WIPI2: variants seen among roughly 807,000 people sequenced by gnomAD.
WIPI2 encodes the protein WD repeat domain, phosphoinositide interacting 2, also known as WD repeat domain phosphoinositide-interacting protein 2.
Under a neutral mutation model 52.3 loss-of-function variants are expected in WIPI2, and 28 were observed. The ratio of observed to expected loss-of-function variants is 0.54; its 90% CI spans 0.40 to 0.73. WIPI2 has a LOEUF of 0.73. WIPI2 is among the 30% of genes least tolerant of loss of function. The pLI is 0.00. For synonymous variants in WIPI2, 268 were observed against 245.0 expected, an observed-to-expected ratio of 1.09 and a Z score of -0.88; for missense variants, 506 against 602.9, an observed-to-expected ratio of 0.84 and a Z score of 1.68.
At chr7:5,206,680 C>T (rs1313414179) in intron 3 of WIPI2, among the ~76,000 whole-genome samples, 2 of 152,178 alleles carry the variant, frequency 1.3e-5, no homozygotes, top group African/African-American at 2.4e-5. Context: ...ACAGCTAACA[C>T]CTGTGTATCC....
Position 5,232,406 on chromosome 7 carries a change from A to G in WIPI2, c.*1459A>G, listed in dbSNP as rs1181242089. On this transcript the variant is annotated 3_prime_UTR_variant, in exon 13 of 13. Coordinates refer to ENST00000288828, the MANE Select transcript of WIPI2 (RefSeq NM_015610.4). ...TAAATGCAGGGGACGCTGGAGTCCG[A>G]CTCACCTACACCGGCTTCCTCCCAG... 5.0e-6 allele frequency: 2 copies of G among 397,988 alleles called. No homozygotes were observed. The highest frequency in any genetic ancestry group is 8.8e-6 in the Non-Finnish European group (2 of 226,052). 24.7% of individuals were successfully genotyped at this position (397,988 alleles called of 1,614,324 possible).
intron 3 of WIPI2, among the ~76,000 whole-genome samples, chr7:5,209,341 T>C (rs373370005): frequency 6.6e-6 from 1 of 152,052 alleles, no homozygotes; most frequent in Non-Finnish European, 1.5e-5. Context: ...GTAAGGAGAG[T>C]GGGTATCCTT....
intron 8 of WIPI2, chr7:5,222,943 C>T (rs41280684): frequency 0.052 from 21,046 of 402,430 alleles, 628 homozygotes; most frequent in Middle Eastern, 0.067. Flanking sequence ...CTCCAGTGCC[C>T]GGCAGCTCCC....
intron 6 of WIPI2, 119 bp downstream of exon 6, chr7:5,217,306 TTTG>T (rs1377586826): frequency 1.9e-6 from 2 of 1,040,466 alleles, no homozygotes; most frequent in South Asian, 1.3e-5. Flanking sequence ...CACTTTTTTG[TTTG>T]TTTGTTTGTT....
At chr7:5,214,007 G>T (rs1382547835) in intron 3 of WIPI2, among the ~76,000 whole-genome samples, 1 of 152,164 alleles carries the variant, frequency 6.6e-6, no homozygotes, top group African/African-American at 2.4e-5. Flanking sequence ...TTCTTAGAAC[G>T]TATGTCAGCG....
chr7:5,225,048 G>C (rs760421831), intron 8 of WIPI2, among the ~76,000 whole-genome samples: 2 of 151,998 alleles, frequency 1.3e-5, no homozygotes, highest in Non-Finnish European at 2.9e-5. Context: ...GGGTTATGAA[G>C]AAATTCACAT....
At chr7:5,192,189 G>T (rs887636270) in intron 1 of WIPI2, among the ~76,000 whole-genome samples, 1 of 152,094 alleles carries the variant, frequency 6.6e-6, no homozygotes, top group South Asian at 2.1e-4. Flanking sequence ...CAAACAATTC[G>T]GACAACCTGT....
chr7:5,204,104 G>T (rs1273185729), intron 3 of WIPI2, among the ~76,000 whole-genome samples: 1 of 152,202 alleles, frequency 6.6e-6, no homozygotes, highest in Non-Finnish European at 1.5e-5. Context: ...GCTGAGCCAG[G>T]TTTGTACTTC....
chr7:5,204,577 G>A (rs76637382), intron 3 of WIPI2, among the ~76,000 whole-genome samples: 4 of 152,258 alleles, frequency 2.6e-5, no homozygotes, highest in African/African-American at 9.6e-5. Context: ...ATAAAAGTAG[G>A]TTGCTTTCTG....
At chr7:5,210,956 G>A (rs936102621) in intron 3 of WIPI2, among the ~76,000 whole-genome samples, 3 of 152,140 alleles carry the variant, frequency 2.0e-5, no homozygotes, top group Non-Finnish European at 2.9e-5. Flanking sequence ...CTTTCTCCGC[G>A]GGGTACATCC....
At chr7:5,209,610 G>A (rs896818915) in intron 3 of WIPI2, among the ~76,000 whole-genome samples, 2 of 152,182 alleles carry the variant, frequency 1.3e-5, no homozygotes, top group Non-Finnish European at 2.9e-5. Flanking sequence ...TGCTCTTTGA[G>A]ATGATCGTCT....
Position 5,231,002 on chromosome 7 carries a change from C to G in WIPI2, c.*55C>G, listed in dbSNP as rs1293727383. 4.8e-6 allele frequency: 7 copies of G among 1,471,168 alleles called. No individual in the cohort carries two copies. Among genetic ancestry groups the G allele is most frequent in the Non-Finnish European group, 5.6e-6 (6 of 1,074,816 alleles). 91.1% of individuals were successfully genotyped at this position (1,471,168 alleles called of 1,614,324 possible). On this transcript the variant is annotated 3_prime_UTR_variant, in exon 13 of 13. Coordinates refer to ENST00000288828, the MANE Select transcript of WIPI2 (RefSeq NM_015610.4). ...CAGAGAACACTGGCTTCACAGAGGACTTTGTGCATTGCTGCTATGAACTTT... is the reference window on the plus strand; with the variant it reads ...CAGAGAACACTGGCTTCACAGAGGAGTTTGTGCATTGCTGCTATGAACTTT...
At chr7:5,207,685 C>T (rs368460125) in intron 3 of WIPI2, among the ~76,000 whole-genome samples, 2 of 151,706 alleles carry the variant, frequency 1.3e-5, no homozygotes, top group African/African-American at 4.8e-5. Context: ...AAGAAACCCC[C>T]ATAACCTTCT....
Position 5,227,350 on chromosome 7 carries a change from T to G in WIPI2, c.1013+6T>G, listed in dbSNP as rs1391151191. The G allele has an allele frequency of 1.2e-6, 2 of 1,611,634 alleles. No individual in the cohort carries two copies. Among genetic ancestry groups the G allele is most frequent in the Admixed American group, 1.7e-5 (1 of 59,990 alleles). ...AACATCTGCTCGCTAGCCACGTGAGTAGAGCCGGCGCCTCCGTCCCCCACC... is the reference window on the plus strand; with the variant it reads ...AACATCTGCTCGCTAGCCACGTGAGGAGAGCCGGCGCCTCCGTCCCCCACC... On this transcript the variant is annotated splice_donor_region_variant and intron_variant, in intron 10 of 12. Coordinates refer to ENST00000288828, the MANE Select transcript of WIPI2 (RefSeq NM_015610.4). The surrounding 1 kb of genome is among the most constrained non-coding windows in gnomAD (Gnocchi z 8.1).
At chr7:5,221,422 A>G (rs1783123330) in intron 7 of WIPI2, among the ~76,000 whole-genome samples, 1 of 152,076 alleles carries the variant, frequency 6.6e-6, no homozygotes, top group East Asian at 1.9e-4. Flanking sequence ...AACCTCCTAA[A>G]ATTTGTATAG....
chr7:5,225,278 C>A (rs553074138), intron 8 of WIPI2, among the ~76,000 whole-genome samples: 3 of 151,978 alleles, frequency 2.0e-5, no homozygotes, highest in Admixed American at 6.6e-5. Flanking sequence ...GTAGCTGGGA[C>A]TACAGGCACC....
chr7:5,200,369 A>G (rs927489627), intron 3 of WIPI2, among the ~76,000 whole-genome samples: 2 of 152,142 alleles, frequency 1.3e-5, no homozygotes, highest in Admixed American at 6.5e-5. Flanking sequence ...ATAGTTATGG[A>G]TTCACATGTA....
At chr7:5,222,075 G>T (rs35852278) in intron 7 of WIPI2, among the ~76,000 whole-genome samples, 1 of 150,844 alleles carries the variant, frequency 6.6e-6, no homozygotes, top group African/African-American at 2.4e-5. Context: ...TCAGCCTCCC[G>T]AGTAGTTGGG....
At chr7:5,214,374 C>T (rs1782706255) in intron 3 of WIPI2, 161 bp from the exon 4 acceptor site, 2 of 1,599,508 alleles carry the variant, frequency 1.3e-6, no homozygotes, top group Admixed American at 1.7e-5. Context: ...GACCCTCAGA[C>T]CCCCGGGCTG....
Sources: gnomAD v4.1 joint callset for allele counts (sites outside exome capture counted in the v4.1 genomes callset) on GRCh38, gnomAD v4.1.1 for gene constraint, Gnocchi (gnomAD v3.1) non-coding constraint, MANE v1.5 for transcripts, NCBI Gene and HGNC (gene_info 2026-07-23, HGNC 2026-07-21) for gene names.